BCCIP: variants seen among roughly 807,000 people sequenced by gnomAD.
The protein encoded by BCCIP is BRCA2 and CDKN1A-interacting protein.
BCCIP carries 23 observed loss-of-function variants against 32.8 expected under a neutral mutation model. That is an observed-to-expected ratio of 0.70 (90% CI 0.51 to 0.99). The LOEUF (loss-of-function observed/expected upper bound fraction) is 0.99, where lower values mean the gene tolerates loss of function less well. BCCIP is among the 50% of genes least tolerant of loss of function. The pLI is 0.00. For synonymous variants in BCCIP, 144 were observed against 137.6 expected, an observed-to-expected ratio of 1.05 and a Z score of -0.33; for missense variants, 378 against 379.8, an observed-to-expected ratio of 1.00 and a Z score of 0.04.
intron 7 of BCCIP, among the ~76,000 whole-genome samples, chr10:125,849,532 T>C (rs1056463758): frequency 2.0e-5 from 3 of 152,214 alleles, no homozygotes; most frequent in East Asian, 3.9e-4. Context: ...AAACAGATAA[T>C]AGTGTAACCT....
chr10:125,836,780 T>C (rs781672078), downstream of BCCIP: 2 of 1,614,158 alleles, frequency 1.2e-6, no homozygotes, highest in Non-Finnish European at 1.7e-6. Context: ...GGTGATCCAC[T>C]ACTTGCTGTA....
At chr10:125,842,111 C>G (rs1564823103) in exon 7 of BCCIP, 2 of 817,450 alleles carry the variant, frequency 2.4e-6, no homozygotes, top group Middle Eastern at 3.7e-4. Context: ...AGAGGGCAAA[C>G]TCAGGAGGGG....
In BCCIP at chr10:125,836,110, A is replaced by G. The variant is rs530400431; in HGVS notation, c.781A>G (p.Ile261Val). The G allele has an allele frequency of 4.8e-5, 78 of 1,610,264 alleles. No homozygotes were observed. In the East Asian group the frequency reaches 1.3e-3, roughly 28 times the overall value. The change falls in exon 7 of 7, where the codon ATT (isoleucine) becomes GTT (valine). Residue 261 changes from isoleucine to valine, a missense_variant. Transcript: ENST00000278100. ...AEEEFFYEKA[I>V]LKFNYSVQEE... ...GGTTACTTATTTGGTTTAGAAGGCA[A>G]TTCTCAAGTTCAACTACTCAGTGCA...
chr10:125,832,934 G>T (rs2134012527), intron 5 of BCCIP, among the ~76,000 whole-genome samples: 1 of 151,602 alleles, frequency 6.6e-6, no homozygotes, highest in South Asian at 2.1e-4. Context: ...GGCCAACATG[G>T]CGAAACCCCA....
rs1003718093 is a variant in BCCIP, at chr10:125,833,892, C to G, written c.720C>G (p.Asn240Lys). 8.1e-6 allele frequency: 13 copies of G among 1,613,988 alleles called. No individual in the cohort carries two copies. The highest frequency in any genetic ancestry group is 1.1e-5 in the Non-Finnish European group (13 of 1,180,012). ...ACAATTCCAAAAAGAAACCTAGCAA[C>G]AAAAAGAAAGCTGCGTTAATGTTTG... ...GKNNSKKKPS[N>K]KKKAALMFAN... Residue 240 changes from asparagine (N) to lysine (K), a missense_variant, in exon 6 of 7, where the codon AAC becomes AAG. By Grantham distance (94) the Asn-to-Lys change is moderately conservative. Transcript: ENST00000278100.
intron 6 of BCCIP, 115 bp from the exon 7 acceptor site, chr10:125,835,989 T>A: frequency 1.0e-6 from 1 of 953,750 alleles, no homozygotes; most frequent in South Asian, 1.7e-5. Context: ...TGCTTTTTTT[T>A]AGCTCTCATT....
At chr10:125,836,598 C>T (rs1223710994), downstream of BCCIP, 13 of 1,477,670 alleles carry the variant, frequency 8.8e-6, no homozygotes, top group Admixed American at 2.2e-5. Flanking sequence ...GATGTGAAAT[C>T]CGTCTTCGCG....
chr10:125,824,200 C>A (rs1003110220), intron 1 of BCCIP, among the ~76,000 whole-genome samples: 1 of 152,234 alleles, frequency 6.6e-6, no homozygotes, highest in South Asian at 2.1e-4. Flanking sequence ...TCCCTTCCTT[C>A]TTCAGATCTC....
chr10:125,836,070 C>T (rs778118841), intron 6 of BCCIP, 34 bp from the exon 7 acceptor site: 15 of 1,573,158 alleles, frequency 9.5e-6, no homozygotes, highest in South Asian at 6.7e-5. Flanking sequence ...TGGGTTGTCC[C>T]GATTTTTAAT....
At chr10:125,843,969 A>G (rs1854946696), downstream of BCCIP, among the ~76,000 whole-genome samples, 1 of 152,204 alleles carries the variant, frequency 6.6e-6, no homozygotes, top group African/African-American at 2.4e-5. Flanking sequence ...ATGTTTTCCC[A>G]TCAAGATTTA....
At chr10:125,826,138 C>G (rs1405816562) in intron 1 of BCCIP, 1 of 162,202 alleles carries the variant, frequency 6.2e-6, no homozygotes, top group Admixed American at 6.5e-5. Context: ...ATATTCCTTC[C>G]TAAATCGTAA....
At chr10:125,846,191 C>G (rs547410106), downstream of BCCIP, among the ~76,000 whole-genome samples, 2 of 152,322 alleles carry the variant, frequency 1.3e-5, no homozygotes, top group Admixed American at 6.5e-5. Context: ...AGTAACTGTT[C>G]TTACAGCCAG....
chr10:125,835,116 G>A (rs1462253351), intron 6 of BCCIP, among the ~76,000 whole-genome samples: 2 of 151,738 alleles, frequency 1.3e-5, no homozygotes, highest in African/African-American at 4.8e-5. Context: ...CTGGGCGACA[G>A]AGCGAGACTC....
At chr10:125,851,278 G>A (rs998676316) in intron 7 of BCCIP, among the ~76,000 whole-genome samples, 4 of 152,182 alleles carry the variant, frequency 2.6e-5, no homozygotes, top group African/African-American at 9.7e-5. Context: ...AAGCACAGCA[G>A]AAAAGTTATG....
At chr10:125,828,901 G>A (rs1165664991) in intron 3 of BCCIP, among the ~76,000 whole-genome samples, 2 of 152,142 alleles carry the variant, frequency 1.3e-5, no homozygotes, top group Non-Finnish European at 2.9e-5. Flanking sequence ...GCTGTCTGTC[G>A]GGAGCTTAGC....
chr10:125,837,571 C>T (rs775480614), downstream of BCCIP, among the ~76,000 whole-genome samples: 4 of 152,132 alleles, frequency 2.6e-5, no homozygotes, highest in African/African-American at 4.8e-5. Flanking sequence ...GGACTATAGG[C>T]GCATGCCACC....
Position 125,833,806 on chromosome 10 carries a change from C to T in BCCIP, c.634C>T (p.Pro212Ser). ...GGCGGGGGCACACAGAACCAATAAG[C>T]CATGTGGGAAGTGCTACTTTTACCT... ...ELAGAHRTNKPCGKCYFYLLI... is the reference protein window; with the variant it reads ...ELAGAHRTNKSCGKCYFYLLI... Residue 212 changes from proline (P) to serine (S), a missense_variant, in exon 6 of 7, where the codon CCA (proline) becomes TCA (serine). Pro to Ser is a moderately conservative substitution (Grantham distance 74, BLOSUM62 -1). Coordinates refer to ENST00000278100, the MANE Select transcript of BCCIP (RefSeq NM_078468.3). 2.5e-6 allele frequency: 4 copies of T among 1,614,104 alleles called. No individual in the cohort carries two copies. The highest frequency in any genetic ancestry group is 3.4e-6 in the Non-Finnish European group (4 of 1,180,034).
chr10:125,842,868 A>G, downstream of BCCIP: 1 of 730,234 alleles, frequency 1.4e-6, no homozygotes, highest in Non-Finnish European at 1.7e-6. Flanking sequence ...GTGGTATTAT[A>G]TATGCTCAGT....
At chr10:125,826,799 AG>A in intron 2 of BCCIP, 134 bp downstream of exon 2, 1 of 1,420,778 alleles carries the variant, frequency 7.0e-7, no homozygotes, top group South Asian at 1.4e-5. Flanking sequence ...CAGGAGTTTG[AG>A]ACCAGCCTGG....
Sources: allele counts gnomAD v4.1 joint callset (sites outside exome capture counted in the v4.1 genomes callset), GRCh38; gene constraint gnomAD v4.1.1; transcripts MANE v1.5; gene names NCBI Gene and HGNC (gene_info 2026-07-23, HGNC 2026-07-21).